STEAP4: variants seen among roughly 807,000 people sequenced by gnomAD.
STEAP4 encodes the protein STEAP4 metalloreductase, also known as metalloreductase STEAP4.
Under a neutral mutation model 43.6 loss-of-function variants are expected in STEAP4, and 36 were observed. The ratio of observed to expected loss-of-function variants is 0.83; its 90% CI spans 0.63 to 1.09. The LOEUF (loss-of-function observed/expected upper bound fraction) is 1.09. Among genes scored for constraint, STEAP4 ranks in the 50% least tolerant of loss-of-function variants. The probability of loss-of-function intolerance (pLI) is 0.00; values close to 1 mark genes in which losing one functional copy is unlikely to be tolerated. For missense variants in STEAP4, 495 were observed against 546.5 expected (o/e 0.91, Z 0.94); for synonymous variants, 191 against 196.7 (o/e 0.97, Z 0.24).
At position 88,284,127 on chromosome 7, in the gene STEAP4, C is replaced by T; in HGVS notation, c.143G>A (p.Gly48Glu). 1 of 1,614,050 alleles carries T rather than the reference C, an allele frequency of 6.2e-7. No individual in the cohort carries two copies. The highest frequency in any genetic ancestry group is 2.2e-5 in the East Asian group (1 of 44,878). Residue 48 changes from glycine to glutamate, a missense_variant, in exon 2 of 5, where the codon GGA (glycine) becomes GAA (glutamate). Physicochemically the swap from Gly to Glu is moderately conservative, Grantham distance 98. Transcript: ENST00000380079. ...GGTGGTCTTCTGGGGGTTTCGACTT[C>T]CAAAAACAACAGAATAACCACACTG... is the stretch of plus-strand genomic sequence containing the variant. ...MLQCGYSVVF[G>E]SRNPQKTTLL...
intron 1 of STEAP4, among the ~76,000 whole-genome samples, chr7:88,289,084 G>A (rs969770158): frequency 6.6e-6 from 1 of 151,368 alleles, no homozygotes; most frequent in Admixed American, 6.6e-5. Flanking sequence ...GTGTGTGTAT[G>A]TGTGTGTGTT....
In STEAP4 at chr7:88,274,421, C is replaced by T. The variant is rs755659708; in HGVS notation, c.*4977G>A. On this transcript the variant is annotated 3_prime_UTR_variant, in exon 5 of 5. Transcript: ENST00000380079. The stretch of plus-strand genomic sequence containing the variant: ...CTTCCACACTCCCCTTTTCTCAGTC[C>T]CTTTGCCCTCAATCCCTTCATCCTT... 1 of 152,162 alleles carries T rather than the reference C, an allele frequency of 6.6e-6. No homozygotes were observed. Among genetic ancestry groups the T allele is most frequent in the Non-Finnish European group, 1.5e-5 (1 of 68,066 alleles). 9.4% of individuals were successfully genotyped at this position (152,162 alleles called of 1,614,324 possible).
intron 4 of STEAP4, 71 bp downstream of exon 4, chr7:88,280,844 A>G: frequency 1.4e-6 from 2 of 1,410,608 alleles, no homozygotes; most frequent in Non-Finnish European, 1.9e-6. Context: ...TCTAATTTGA[A>G]TTTTTAAATA....
Position 88,283,887 on chromosome 7 carries a change from G to A in STEAP4, c.383C>T (p.Ala128Val), listed in dbSNP as rs763012178. Residue 128 changes from alanine (A) to valine (V), a missense_variant, in exon 2 of 5, where the codon GCC becomes GTC. Transcript: ENST00000380079. ...GGTGTTAAATGCTTTTACCACGTGGGCTCCTGGCACCAAATGAGCAAGGTA... is the reference window on the plus strand; with the variant it reads ...GGTGTTAAATGCTTTTACCACGTGGACTCCTGGCACCAAATGAGCAAGGTA... ...AEYLAHLVPG[A>V]HVVKAFNTIS... The A allele has an allele frequency of 6.2e-7, 1 of 1,614,122 alleles. No individual in the cohort carries two copies. The highest frequency in any genetic ancestry group is 1.3e-5 in the African/African-American group (1 of 75,026).
intron 1 of STEAP4, among the ~76,000 whole-genome samples, chr7:88,290,597 CA>C (rs1563500748): frequency 6.6e-6 from 1 of 152,056 alleles, no homozygotes; most frequent in Admixed American, 6.6e-5. Flanking sequence ...AGGCCTCTTT[CA>C]AAAAAATTTC....
At chr7:88,286,128 C>T (rs767555115) in intron 1 of STEAP4, among the ~76,000 whole-genome samples, 2 of 152,158 alleles carry the variant, frequency 1.3e-5, no homozygotes, top group African/African-American at 2.4e-5. Context: ...CAAATCAAGA[C>T]AACAATTGTC....
chr7:88,293,651 A>G (rs998318421), intron 1 of STEAP4, among the ~76,000 whole-genome samples: 3 of 152,178 alleles, frequency 2.0e-5, no homozygotes, highest in African/African-American at 4.8e-5. Flanking sequence ...TTTTTGACCT[A>G]TGAATACATA....
intron 1 of STEAP4, among the ~76,000 whole-genome samples, chr7:88,287,993 A>C (rs1852764290): frequency 6.6e-6 from 1 of 152,234 alleles, no homozygotes; most frequent in Non-Finnish European, 1.5e-5. Flanking sequence ...CTTAAAGGTT[A>C]GAAGCCAGAT....
At chr7:88,303,206 A>AC (rs1209904005) in intron 1 of STEAP4, among the ~76,000 whole-genome samples, 44 of 136,320 alleles carry the variant, frequency 3.2e-4, no homozygotes, top group African/African-American at 1.1e-3. Flanking sequence ...AAAAAAAAAA[A>AC]AAACTCCAAC....
At chr7:88,299,421 A>G (rs937001887) in intron 1 of STEAP4, among the ~76,000 whole-genome samples, 2 of 152,166 alleles carry the variant, frequency 1.3e-5, no homozygotes, top group African/African-American at 2.4e-5. Flanking sequence ...CTTGACTTCC[A>G]TTTACATTTT....
chr7:88,284,486 G>A (rs1028341109), intron 1 of STEAP4, among the ~76,000 whole-genome samples: 5 of 151,972 alleles, frequency 3.3e-5, no homozygotes, highest in African/African-American at 1.2e-4. Context: ...TTTCATATGT[G>A]TCTTATTTAA....
rs1346961750 is a variant in STEAP4, at chr7:88,273,042, T to G, written c.*6356A>C. The G allele has an allele frequency of 6.6e-6, 1 of 152,244 alleles. No homozygotes were observed. Among genetic ancestry groups the G allele is most frequent in the Non-Finnish European group, 1.5e-5 (1 of 68,044 alleles). 9.4% of individuals were successfully genotyped at this position (152,244 alleles called of 1,614,324 possible). A position where few individuals can be genotyped will look rare whatever the true frequency, so the allele number is the denominator to read the frequency against. ...TCCATGAGGTACATAGTCATGTTTA[T>G]GTATGTACAATGTATAGTGATCAGA... On this transcript the variant is annotated 3_prime_UTR_variant, in exon 5 of 5. Coordinates refer to ENST00000380079, the MANE Select transcript of STEAP4 (RefSeq NM_024636.4).
At chr7:88,280,239 A>G (rs1852594612) in intron 4 of STEAP4, among the ~76,000 whole-genome samples, 1 of 152,232 alleles carries the variant, frequency 6.6e-6, no homozygotes, top group South Asian at 2.1e-4. Flanking sequence ...AATTTTAAAG[A>G]CTAATGCTCT....
At chr7:88,283,282 T>C (rs1563497396) in intron 2 of STEAP4, 114 bp from the exon 3 acceptor site, 1 of 1,108,706 alleles carries the variant, frequency 9.0e-7, no homozygotes, top group Non-Finnish European at 1.2e-6. Flanking sequence ...AGTGAACCGA[T>C]TTTAAAATAA....
intron 1 of STEAP4, among the ~76,000 whole-genome samples, chr7:88,286,560 C>G (rs1000093600): frequency 1.3e-5 from 2 of 152,020 alleles, no homozygotes; most frequent in African/African-American, 4.8e-5. Flanking sequence ...AAAATGATAA[C>G]TCAGGGCTGG....
At chr7:88,296,695 C>G (rs1477278855) in intron 1 of STEAP4, among the ~76,000 whole-genome samples, 1 of 151,728 alleles carries the variant, frequency 6.6e-6, no homozygotes, top group Non-Finnish European at 1.5e-5. Flanking sequence ...AATTAGAAAG[C>G]AAAAAATATT....
At chr7:88,293,384 G>A (rs1852871776) in intron 1 of STEAP4, among the ~76,000 whole-genome samples, 1 of 149,512 alleles carries the variant, frequency 6.7e-6, no homozygotes, top group Non-Finnish European at 1.5e-5. Flanking sequence ...TGATTTGCAA[G>A]CATTTTCTGC....
intron 2 of STEAP4, chr7:88,283,595 G>T: frequency 1.7e-6 from 1 of 595,530 alleles, no homozygotes; most frequent in Non-Finnish European, 2.9e-6. Context: ...GACACCATGG[G>T]GTTCCATCAA....
chr7:88,297,946 A>G (rs1852953662), intron 1 of STEAP4, among the ~76,000 whole-genome samples: 1 of 152,142 alleles, frequency 6.6e-6, no homozygotes, highest in Non-Finnish European at 1.5e-5. Flanking sequence ...AGTTGGGCAA[A>G]ATCATCTAAC....
Sources: allele counts gnomAD v4.1 joint callset (sites outside exome capture counted in the v4.1 genomes callset), GRCh38; gene constraint gnomAD v4.1.1; transcripts MANE v1.5; gene names NCBI Gene and HGNC (gene_info 2026-07-23, HGNC 2026-07-21).